DNAH14: variants seen among roughly 807,000 people sequenced by gnomAD.
DNAH14 encodes axonemal beta dynein heavy chain 14.
Under a neutral mutation model 520.9 loss-of-function variants are expected in DNAH14, and 478 were observed. The observed-to-expected ratio is 0.92, with a 90% CI of 0.85 to 0.99. DNAH14 has a LOEUF of 0.99. Ranked by LOEUF, DNAH14 falls within the 50% of genes least tolerant of loss-of-function variation. The pLI is 0.00. For synonymous variants in DNAH14, 1,581 were observed against 1,757.2 expected (o/e 0.90, Z 2.51); for missense variants, 4,831 against 5,234.5 (o/e 0.92, Z 2.38).
chr1:225,205,821 G>C (rs537061734), intron 39 of DNAH14, 150 bp from the exon 40 acceptor site: 1 of 614,036 alleles, frequency 1.6e-6, no homozygotes, highest in East Asian at 2.8e-5. Flanking sequence ...GTTATACCAG[G>C]GACTACATAT....
Position 225,338,183 on chromosome 1 carries a change from G to A in DNAH14, c.10433+1G>A. Reference sequence around the variant, plus strand: ...AGTTCGAATACAATTCAAATTTTAGGTAATGTGCCACAGCTAAATTGAGTC... The same window carrying A: ...AGTTCGAATACAATTCAAATTTTAGATAATGTGCCACAGCTAAATTGAGTC... On this transcript the variant is annotated splice_donor_variant, in intron 68 of 85. Transcript: ENST00000682510. LOFTEE classifies it high-confidence loss of function. 2 of 1,551,714 alleles carry A rather than the reference G, an allele frequency of 1.3e-6. No homozygotes were observed. Among genetic ancestry groups the A allele is most frequent in the Non-Finnish European group, 1.7e-6 (2 of 1,146,944 alleles).
rs139457659 is a variant in DNAH14 at position 225,026,380 on chromosome 1, T to C, written c.1358+2515T>C. ...ACTCTTGTTTTTATCTAAGATCTTA[T>C]AACTTTAGCTCTTGCATTTAGGCTT... On this transcript the variant is annotated intron_variant, in intron 11 of 85. Coordinates refer to ENST00000682510, the MANE Select transcript of DNAH14 (RefSeq NM_001367479.1). Among the ~76,000 whole-genome samples, 225 of 152,288 alleles carry C rather than the reference T, an allele frequency of 1.5e-3. 2 individuals are homozygous for C. Among genetic ancestry groups the C allele is most frequent in the Admixed American group, 0.012 (185 of 15,276 alleles).
intron 27 of DNAH14, among the ~76,000 whole-genome samples, chr1:225,139,569 A>G (rs1573438811): frequency 6.6e-6 from 1 of 152,350 alleles, no homozygotes; most frequent in Middle Eastern, 3.4e-3. Flanking sequence ...AGATGTCCGC[A>G]TGCATTGGCC....
At chr1:225,351,021 G>A (rs1374540688) in intron 71 of DNAH14, among the ~76,000 whole-genome samples, 1 of 152,172 alleles carries the variant, frequency 6.6e-6, no homozygotes, top group Non-Finnish European at 1.5e-5. Flanking sequence ...AGCACATTAA[G>A]AGGACTGTAC....
chr1:225,234,861 T>C (rs1387594331), intron 42 of DNAH14, among the ~76,000 whole-genome samples: 4 of 152,154 alleles, frequency 2.6e-5, no homozygotes, highest in Non-Finnish European at 4.4e-5. Context: ...GTTGTTGGTG[T>C]ATAAGAATGC....
At chr1:225,193,016 A>G (rs2085647799) in intron 38 of DNAH14, 105 bp downstream of exon 38, 1 of 876,906 alleles carries the variant, frequency 1.1e-6, no homozygotes, top group African/African-American at 1.7e-5. Context: ...ATTAGTGTAA[A>G]AGTAAATTTT....
rs2080551414 is a variant in DNAH14 at position 225,152,074 on chromosome 1, G to A, written c.5009+1G>A. The A allele has an allele frequency of 6.5e-7, 1 of 1,547,718 alleles. No homozygotes were observed. The highest frequency in any genetic ancestry group is 1.4e-5 in the African/African-American group (1 of 72,808). On this transcript the variant is annotated splice_donor_variant, in intron 32 of 85. Transcript: ENST00000682510. LOFTEE classifies it high-confidence loss of function. ...CGGTATTTATCACCATGAATCCCAG[G>A]TAAGTATCAGTAAATCTAGTGGGAA...
chr1:224,977,648 G>A (rs531030423), intron 8 of DNAH14, among the ~76,000 whole-genome samples: 29 of 152,248 alleles, frequency 1.9e-4, no homozygotes, highest in East Asian at 9.6e-4. Context: ...AGCTTTTTGC[G>A]TGTCAATCAT....
Position 225,204,243 on chromosome 1 carries a change from G to A in DNAH14, c.5947G>A (p.Glu1983Lys), listed in dbSNP as rs889070414. 2 of 1,494,036 alleles carry A rather than the reference G, an allele frequency of 1.3e-6. No individual in the cohort carries two copies. The highest frequency in any genetic ancestry group is 2.9e-5 in the African/African-American group (2 of 68,968). The allele number at this position is 1,494,036 out of a possible 1,614,324, so 92.5% of individuals were successfully genotyped here. A position where few individuals can be genotyped will look rare whatever the true frequency, so the allele number is the denominator to read the frequency against. Residue 1983 changes from glutamate to lysine, a missense_variant, in exon 39 of 86, where the codon GAG becomes AAG. Transcript: ENST00000682510. ...TGATGATAATATTTTTGAGGAGATAGAGAAAGTTGTTAAAATTCCAGAAAA... is the reference window on the plus strand; with the variant it reads ...TGATGATAATATTTTTGAGGAGATAAAGAAAGTTGTTAAAATTCCAGAAAA... ...ETDDNIFEEI[E>K]KVVKIPENHN...
chr1:225,337,976 C>T, intron 67 of DNAH14, 85 bp from the exon 68 acceptor site: 1 of 1,372,442 alleles, frequency 7.3e-7, no homozygotes, highest in African/African-American at 1.5e-5. Context: ...CTAACTCAAC[C>T]TTTAAATGTT....
At chr1:225,338,297 T>C (rs1381906657) in intron 68 of DNAH14, 115 bp downstream of exon 68, 1 of 1,282,458 alleles carries the variant, frequency 7.8e-7, no homozygotes, top group Non-Finnish European at 1.1e-6. Context: ...AGTAAGATTG[T>C]CTTTGGAATA....
At chr1:225,360,203 T>C (rs933794013) in intron 74 of DNAH14, among the ~76,000 whole-genome samples, 1 of 152,234 alleles carries the variant, frequency 6.6e-6, no homozygotes, top group South Asian at 2.1e-4. Context: ...TTGCATAGTG[T>C]TCAATGGTAT....
intron 27 of DNAH14, among the ~76,000 whole-genome samples, chr1:225,133,315 G>A (rs1052195613): frequency 5.3e-5 from 8 of 152,148 alleles, no homozygotes; most frequent in African/African-American, 1.9e-4. Context: ...CCTATATCCT[G>A]ACTGGTATTG....
chr1:225,282,307 C>G (rs185362874), intron 54 of DNAH14, among the ~76,000 whole-genome samples: 2 of 152,274 alleles, frequency 1.3e-5, no homozygotes, highest in East Asian at 3.9e-4. Flanking sequence ...GTCTGGGCCC[C>G]CAGCCATCAG....
chr1:225,013,365 A>C (rs908449210), intron 10 of DNAH14, among the ~76,000 whole-genome samples: 1 of 152,070 alleles, frequency 6.6e-6, no homozygotes, highest in Non-Finnish European at 1.5e-5. Flanking sequence ...GACCCACCAG[A>C]TACCAGCCGG....
Position 225,207,023 on chromosome 1 carries a change from C to A in DNAH14, c.6242C>A (p.Ser2081Tyr). 3 of 1,546,030 alleles carry A rather than the reference C, an allele frequency of 1.9e-6. No individual in the cohort carries two copies. The highest frequency in any genetic ancestry group is 2.6e-6 in the Non-Finnish European group (3 of 1,144,580). Residue 2081 changes from serine (S) to tyrosine (Y), a missense_variant, in exon 41 of 86, where the codon TCT becomes TAT. Physicochemically the swap from Ser to Tyr is moderately radical, Grantham distance 144 (BLOSUM62 -2). Transcript: ENST00000682510. ...GTTAAGTCATGGCTTCTGAAAACTT[C>A]TAAAATTATAAGTCAATCAGGAGTG... ...PYVKSWLLKT[S>Y]KIISQSGVDC...
At chr1:225,096,084 T>C (rs2148692528) in intron 21 of DNAH14, among the ~76,000 whole-genome samples, 1 of 152,272 alleles carries the variant, frequency 6.6e-6, no homozygotes, top group South Asian at 2.1e-4. Context: ...CCCCTGCCTC[T>C]GCCTCCGGAG....
chr1:225,095,838 G>A (rs368202674), intron 21 of DNAH14, among the ~76,000 whole-genome samples: 75 of 152,256 alleles, frequency 4.9e-4, no homozygotes, highest in African/African-American at 1.7e-3. Context: ...AGGGTAGGGA[G>A]GGATAGGAGG....
intron 27 of DNAH14, among the ~76,000 whole-genome samples, chr1:225,125,692 T>C (rs1442872420): frequency 6.6e-6 from 1 of 152,196 alleles, no homozygotes; most frequent in Non-Finnish European, 1.5e-5. Flanking sequence ...AGTAAGGCTG[T>C]TTTGCTTTCT....
Sources: gnomAD v4.1 joint callset for allele counts (sites outside exome capture counted in the v4.1 genomes callset) on GRCh38, gnomAD v4.1.1 for gene constraint, MANE v1.5 for transcripts, NCBI Gene and HGNC (gene_info 2026-07-23, HGNC 2026-07-21) for gene names.